POR: variants seen among roughly 807,000 people sequenced by gnomAD.
POR encodes the protein cytochrome p450 oxidoreductase, also known as NADPH--cytochrome P450 reductase.
In POR, 56 loss-of-function variants were observed where a neutral mutation model predicts 84.0. The ratio of observed to expected loss-of-function variants is 0.67; its 90% CI spans 0.54 to 0.83. The LOEUF is 0.83. Ranked by LOEUF, POR falls within the 40% of genes least tolerant of loss-of-function variation. POR has a pLI of 0.00. For missense variants in POR, 938 were observed against 944.3 expected (o/e 0.99, Z 0.09); for synonymous variants, 414 against 400.5 (o/e 1.03, Z -0.40).
intron 1 of POR, among the ~76,000 whole-genome samples, chr7:75,952,067 T>C (rs113244748): frequency 1.0e-4 from 13 of 127,580 alleles, no homozygotes; most frequent in Admixed American, 1.6e-4. Flanking sequence ...ACCTCCCGGA[T>C]GGGGTGGCTG....
intron 1 of POR, chr7:75,915,859 G>A (rs1201833175): frequency 1.3e-5 from 2 of 152,234 alleles, no homozygotes; most frequent in African/African-American, 4.8e-5. Flanking sequence ...AGGGGGAGGA[G>A]AGTAGAGGTT....
intron 1 of POR, among the ~76,000 whole-genome samples, chr7:75,929,544 G>A (rs567407555): frequency 2.6e-5 from 4 of 152,242 alleles, no homozygotes; most frequent in East Asian, 1.9e-4. Context: ...GTGAGCCACC[G>A]CGCCCGGCCT....
At chr7:75,950,130 A>G (rs28544131) in intron 1 of POR, among the ~76,000 whole-genome samples, 2,349 of 151,754 alleles carry the variant, frequency 0.015, 52 homozygotes, top group African/African-American at 0.046. Context: ...TTGGCCTCCC[A>G]AAGTGCTGGG....
intron 2 of POR, among the ~76,000 whole-genome samples, chr7:75,956,898 G>A (rs1554553808): frequency 6.6e-6 from 1 of 152,092 alleles, no homozygotes; most frequent in East Asian, 1.9e-4. Context: ...GCTAATTTTT[G>A]TATTTTTAGT....
At chr7:75,951,967 AC>A (rs1187065602) in intron 1 of POR, among the ~76,000 whole-genome samples, 16 of 141,014 alleles carry the variant, frequency 1.1e-4, no homozygotes, top group African/African-American at 4.0e-4. Flanking sequence ...CGGGGGGCTG[AC>A]CCCCCCACCT....
At position 75,979,564 on chromosome 7, in the gene POR, T is replaced by C. The variant is rs1323581481; in HGVS notation, c.351T>C (p.Pro117=). The change falls in exon 4 of 16, where the codon CCT becomes CCC. Residue 117 remains proline, a synonymous_variant. Transcript: ENST00000461988. The stretch of plus-strand genomic sequence containing the variant: ...GGATGCGAGGCATGTCAGCGGACCC[T>C]GAGGAGTATGACCTGGTAAGCTGCC... 9.9e-6 allele frequency: 16 copies of C among 1,613,254 alleles called. No homozygotes were observed. The highest frequency in any genetic ancestry group is 4.5e-5 in the East Asian group (2 of 44,884).
At chr7:75,982,953 G>C (rs1554558353) in intron 8 of POR, among the ~76,000 whole-genome samples, 1 of 152,180 alleles carries the variant, frequency 6.6e-6, no homozygotes, top group Admixed American at 6.5e-5. Flanking sequence ...CGTCAGCTTG[G>C]GCCTCACAGT....
rs373632433 is a variant in POR, at chr7:75,967,674, C to T, written c.189-4739C>T. Among the ~76,000 whole-genome samples the T allele has an allele frequency of 2.3e-4, 35 of 150,350 alleles. 1 individual carries two copies. In the East Asian group the frequency reaches 5.7e-3, roughly 25 times the overall value. On this transcript the variant is annotated intron_variant, in intron 2 of 15. Coordinates refer to ENST00000461988, the MANE Select transcript of POR (RefSeq NM_000941.3). ...TTTTTTTAATGGGAAACGGGGAGGG[C>T]GTGGGGAGAAGGGCTCTGATATAAA...
intron 3 of POR, among the ~76,000 whole-genome samples, chr7:75,977,768 A>C (rs1433934164): frequency 6.6e-6 from 1 of 152,090 alleles, no homozygotes; most frequent in Non-Finnish European, 1.5e-5. Context: ...TCAGAGCGAG[A>C]CTCCGTCTCA....
At chr7:75,957,190 G>A (rs1270367748) in intron 2 of POR, among the ~76,000 whole-genome samples, 3 of 152,162 alleles carry the variant, frequency 2.0e-5, no homozygotes, top group Admixed American at 6.6e-5. Flanking sequence ...GACAGGCTCC[G>A]CCAGCTCTAA....
chr7:75,981,228 G>A, intron 6 of POR, 56 bp downstream of exon 6: 1 of 1,480,742 alleles, frequency 6.8e-7, no homozygotes, highest in Non-Finnish European at 9.0e-7. Context: ...AGGGGCCGTG[G>A]AACGTGAGGG....
intron 5 of POR, 131 bp from the exon 6 acceptor site, chr7:75,980,916 TG>T: frequency 1.7e-6 from 2 of 1,206,252 alleles, no homozygotes; most frequent in Non-Finnish European, 2.2e-6. Flanking sequence ...GCGAGGCGCC[TG>T]GTGGAACGGA....
intron 1 of POR, among the ~76,000 whole-genome samples, chr7:75,949,606 G>A (rs906316961): frequency 2.3e-4 from 35 of 152,040 alleles, no homozygotes; most frequent in African/African-American, 6.5e-4. Flanking sequence ...TGCAACCTCC[G>A]CTTCCTGGGT....
intron 1 of POR, among the ~76,000 whole-genome samples, chr7:75,947,791 A>G (rs1787246774): frequency 1.3e-5 from 2 of 151,946 alleles, no homozygotes; most frequent in South Asian, 2.1e-4. Context: ...AAGCTTCGAG[A>G]GGAGGAGCAT....
At chr7:75,977,007 C>T (rs1308905361) in intron 3 of POR, among the ~76,000 whole-genome samples, 1 of 152,102 alleles carries the variant, frequency 6.6e-6, no homozygotes, top group Non-Finnish European at 1.5e-5. Context: ...TGCGCCACCA[C>T]ACCCAGATAA....
chr7:75,981,961 C>T (rs1789073921), intron 7 of POR: 4 of 572,612 alleles, frequency 7.0e-6, no homozygotes, highest in South Asian at 2.1e-5. Flanking sequence ...GCCCGGGCTT[C>T]CTTACCTTCT....
At position 75,986,165 on chromosome 7, in the gene POR, G is replaced by A. The variant is rs72552772; in HGVS notation, c.1822G>A (p.Val608Ile). Residue 608 changes from valine to isoleucine, a missense_variant, in exon 15 of 16, where the codon GTC (valine) becomes ATC (isoleucine). Val to Ile is a conservative substitution (Grantham distance 29, BLOSUM62 3). Coordinates refer to ENST00000461988, the MANE Select transcript of POR (RefSeq NM_000941.3). Reference sequence around the variant, plus strand: ...GCACCACCCTTGGCCCCAGGTCTACGTCCAGCACCTGCTAAAGCAAGACCG... The same window carrying A: ...GCACCACCCTTGGCCCCAGGTCTACATCCAGCACCTGCTAAAGCAAGACCG... 64 of 1,610,962 alleles carry A rather than the reference G, an allele frequency of 4.0e-5. No individual in the cohort carries two copies. The highest frequency in any genetic ancestry group is 3.6e-4 in the South Asian group (33 of 90,790).
intron 2 of POR, among the ~76,000 whole-genome samples, chr7:75,956,459 G>T (rs1224130784): frequency 6.6e-6 from 1 of 152,220 alleles, no homozygotes; most frequent in Admixed American, 6.5e-5. Flanking sequence ...TCAAGCTTAC[G>T]CTCTAGTGGT....
chr7:75,938,103 C>T (rs1378529845), intron 1 of POR, among the ~76,000 whole-genome samples: 3 of 152,312 alleles, frequency 2.0e-5, no homozygotes, highest in South Asian at 2.1e-4. Context: ...CCTGTCCCCC[C>T]AGTCACGCTT....
Sources: allele counts gnomAD v4.1 joint callset (sites outside exome capture counted in the v4.1 genomes callset), GRCh38; gene constraint gnomAD v4.1.1; transcripts MANE v1.5; gene names NCBI Gene and HGNC (gene_info 2026-07-23, HGNC 2026-07-21).